Variants in IGF1R observed in about 807,000 individuals in gnomAD.
IGF1R encodes insulin-like growth factor 1 receptor.
A neutral mutation model predicts 144.6 loss-of-function variants in IGF1R; 44 were observed. The observed-to-expected ratio is 0.30, with a 90% CI of 0.24 to 0.39. The LOEUF (loss-of-function observed/expected upper bound fraction) is 0.39. Ranked by LOEUF, IGF1R falls within the 10% of genes least tolerant of loss-of-function variation. The pLI is 1.00. For missense variants in IGF1R, 1,355 were observed against 1,833.7 expected (o/e 0.74, Z 4.77); for synonymous variants, 795 against 722.8 (o/e 1.10, Z -1.60).
chr15:98,950,313 A>T (rs1285681448), intron 20 of IGF1R, among the ~76,000 whole-genome samples: 1 of 152,186 alleles, frequency 6.6e-6, no homozygotes, highest in Non-Finnish European at 1.5e-5. Context: ...AGCAGCCACA[A>T]AAGTTTTGCT....
chr15:98,940,382 T>G (rs574600863), intron 18 of IGF1R, among the ~76,000 whole-genome samples: 1 of 152,324 alleles, frequency 6.6e-6, no homozygotes, highest in South Asian at 2.1e-4. Flanking sequence ...GCCCCTTTGG[T>G]GAACAATGAG....
intron 2 of IGF1R, among the ~76,000 whole-genome samples, chr15:98,810,054 T>G (rs2056552734): frequency 6.6e-6 from 1 of 151,978 alleles, no homozygotes; most frequent in African/African-American, 2.4e-5. Flanking sequence ...CTGAACCACT[T>G]TGGTGGTTAC....
chr15:98,706,008 C>T (rs955879888), intron 1 of IGF1R, among the ~76,000 whole-genome samples: 2 of 152,230 alleles, frequency 1.3e-5, no homozygotes, highest in Non-Finnish European at 2.9e-5. Flanking sequence ...ATCCTAGGCA[C>T]CCTTTGGGAG....
chr15:98,948,642 A>T lies in IGF1R; in HGVS notation c.3656A>T (p.Glu1219Val). ...AEQPYQGLSN[E>V]QVLRFVMEGG... ...CAGCCCTACCAGGGCTTGTCCAACG[A>T]GCAAGTCCTTCGCTTCGTCATGGAG... is the stretch of plus-strand genomic sequence containing the variant. Residue 1219 changes from glutamate to valine, a missense_variant, in exon 20 of 21, where the codon GAG (glutamate) becomes GTG (valine). Transcript: ENST00000650285. 6.2e-7 allele frequency: 1 copy of T among 1,614,162 alleles called. No homozygotes were observed. The highest frequency in any genetic ancestry group is 8.5e-7 in the Non-Finnish European group (1 of 1,179,992).
intron 2 of IGF1R, among the ~76,000 whole-genome samples, chr15:98,783,304 C>T (rs905260595): frequency 6.6e-6 from 1 of 152,032 alleles, no homozygotes. Flanking sequence ...CACCTACTTC[C>T]CTTCTATCTC....
rs2017161634 is a variant in IGF1R at position 98,960,001 on chromosome 15, T to C, written c.*2559T>C. On this transcript the variant is annotated 3_prime_UTR_variant, in exon 21 of 21. Coordinates refer to ENST00000650285, the MANE Select transcript of IGF1R (RefSeq NM_000875.5). ...TGTGTGTGTATGTGTGGGGTGTGTG[T>C]GTGTGAGAGTGATGGGACAGTTCTT... 5 of 233,446 alleles carry C rather than the reference T, an allele frequency of 2.1e-5. No homozygotes were observed. In the East Asian group the frequency reaches 2.4e-4, roughly 11 times the overall value. The allele number at this position is 233,446 out of a possible 1,614,324, so 14.5% of individuals were successfully genotyped here. A position where few individuals can be genotyped will look rare whatever the true frequency, so the allele number is the denominator to read the frequency against.
intron 12 of IGF1R, 139 bp from the exon 13 acceptor site, chr15:98,924,386 C>T: frequency 3.5e-6 from 3 of 854,476 alleles, no homozygotes; most frequent in Non-Finnish European, 4.1e-6. Context: ...ATTTCTTTGT[C>T]TTTACTGACA....
chr15:98,739,650 C>A (rs183762946), intron 2 of IGF1R, among the ~76,000 whole-genome samples: 109 of 152,180 alleles, frequency 7.2e-4, no homozygotes, highest in Non-Finnish European at 1.4e-3. Flanking sequence ...TCTCTGTTGT[C>A]CAGGCTGGAG....
At chr15:98,945,894 G>C (rs2016530616) in intron 19 of IGF1R, among the ~76,000 whole-genome samples, 1 of 152,046 alleles carries the variant, frequency 6.6e-6, no homozygotes, top group Admixed American at 6.5e-5. Context: ...CAGGAGATAG[G>C]CTTTGCAGTT....
chr15:98,807,159 G>A (rs2056489840), intron 2 of IGF1R, among the ~76,000 whole-genome samples: 1 of 152,158 alleles, frequency 6.6e-6, no homozygotes, highest in Non-Finnish European at 1.5e-5. Context: ...ATTGTAGCAT[G>A]GTGGGATTTT....
rs1438898912 is a variant in IGF1R at position 98,960,802 on chromosome 15, C to T, written c.*3360C>T. 3 of 233,822 alleles carry T rather than the reference C, an allele frequency of 1.3e-5. No homozygotes were observed. Among genetic ancestry groups the T allele is most frequent in the Non-Finnish European group, 2.5e-5 (3 of 118,270 alleles). 14.5% of individuals were successfully genotyped at this position (233,822 alleles called of 1,614,324 possible). A position where few individuals can be genotyped will look rare whatever the true frequency, so the allele number is the denominator to read the frequency against. ...AGAGTCCCCTCCCCCTCCAGGCTGC[C>T]CTCTCAACTTCTCCCTCACCTCCTT... On this transcript the variant is annotated 3_prime_UTR_variant, in exon 21 of 21. Transcript: ENST00000650285.
chr15:98,945,334 G>A (rs1407571244), intron 19 of IGF1R, among the ~76,000 whole-genome samples: 1 of 152,216 alleles, frequency 6.6e-6, no homozygotes, highest in Non-Finnish European at 1.5e-5. Context: ...CTGGTGAGTG[G>A]GCCATTGCTA....
chr15:98,874,233 A>C (rs1289842965), intron 2 of IGF1R, among the ~76,000 whole-genome samples: 1 of 152,208 alleles, frequency 6.6e-6, no homozygotes, highest in Non-Finnish European at 1.5e-5. Flanking sequence ...AGAAGAAAAA[A>C]GTGGACTTAA....
intron 2 of IGF1R, among the ~76,000 whole-genome samples, chr15:98,753,515 G>GAGCC (rs1017472531): frequency 6.6e-6 from 1 of 150,594 alleles, no homozygotes; most frequent in Non-Finnish European, 1.5e-5. Flanking sequence ...TTACAGATGT[G>GAGCC]AGCCACTATG....
intron 4 of IGF1R, 89 bp from the exon 5 acceptor site, chr15:98,899,388 G>T (rs2014361557): frequency 7.2e-7 from 1 of 1,383,480 alleles, no homozygotes; most frequent in South Asian, 1.2e-5. Context: ...ACCTGCCGTT[G>T]AATTGTTCTC....
chr15:98,796,138 G>C (rs899704005), intron 2 of IGF1R, among the ~76,000 whole-genome samples: 2 of 146,774 alleles, frequency 1.4e-5, no homozygotes, highest in Non-Finnish European at 3.0e-5. Context: ...GTGGCCAGCA[G>C]GTGTCACAGG....
chr15:98,712,518 C>T (rs917712069), intron 2 of IGF1R, among the ~76,000 whole-genome samples: 2 of 152,208 alleles, frequency 1.3e-5, no homozygotes, highest in African/African-American at 2.4e-5. Flanking sequence ...CAGCTGTGTT[C>T]CTCTGCTCCT....
At chr15:98,914,567 G>A (rs2015159413) in intron 8 of IGF1R, among the ~76,000 whole-genome samples, 1 of 152,238 alleles carries the variant, frequency 6.6e-6, no homozygotes, top group African/African-American at 2.4e-5. Flanking sequence ...GTGGGTTGGT[G>A]TAGCAGAGGT....
At position 98,935,856 on chromosome 15, in the gene IGF1R, G is replaced by A. The variant is rs2016124667; in HGVS notation, c.3297+430G>A. On this transcript the variant is annotated intron_variant, in intron 17 of 20. Transcript: ENST00000650285. The surrounding 1 kb of genome is among the most constrained non-coding windows in gnomAD (Gnocchi z 4.2). ...CTCTCTCGTTATGTTGTGTTGTGCTGTTGTTGGAGTGTGTCCCCCCTCCAC... is the reference window on the plus strand; with the variant it reads ...CTCTCTCGTTATGTTGTGTTGTGCTATTGTTGGAGTGTGTCCCCCCTCCAC... Among the ~76,000 whole-genome samples the A allele has an allele frequency of 6.6e-6, 1 of 152,168 alleles. No individual in the cohort carries two copies. The highest frequency in any genetic ancestry group is 6.5e-5 in the Admixed American group (1 of 15,276).
Sources: allele counts gnomAD v4.1 joint callset (sites outside exome capture counted in the v4.1 genomes callset), GRCh38; gene constraint gnomAD v4.1.1; non-coding constraint Gnocchi (gnomAD v3.1); transcripts MANE v1.5; gene names NCBI Gene and HGNC (gene_info 2026-07-23, HGNC 2026-07-21).